Variants in QRSL1 observed in about 807,000 individuals in gnomAD.
The protein encoded by QRSL1 is glutaminyl-tRNA amidotransferase subunit QRSL1, also known as glutamyl-tRNA(Gln) amidotransferase subunit A, mitochondrial.
QRSL1 carries 54 observed loss-of-function variants against 61.6 expected under a neutral mutation model. The ratio of observed to expected loss-of-function variants is 0.88; its 90% CI spans 0.70 to 1.10. The LOEUF is 1.10. Ranked by LOEUF, QRSL1 falls within the 50% of genes least tolerant of loss-of-function variation. QRSL1 has a pLI of 0.00. For synonymous variants in QRSL1, 228 were observed against 225.7 expected (o/e 1.01, Z -0.09); for missense variants, 505 against 622.6 (o/e 0.81, Z 2.01).
chr6:106,650,732 CA>C (rs1354759834), intron 5 of QRSL1, among the ~76,000 whole-genome samples: 1 of 152,116 alleles, frequency 6.6e-6, no homozygotes, highest in African/African-American at 2.4e-5. Context: ...TTAAAAGTAA[CA>C]ATTGCATAGG....
At chr6:106,629,832 G>A in intron 1 of QRSL1, 127 bp downstream of exon 1, 2 of 1,157,832 alleles carry the variant, frequency 1.7e-6, no homozygotes, top group Non-Finnish European at 1.2e-6. Context: ...AACTGAGTGG[G>A]GGATAAGTAC....
rs13203777 is a variant in QRSL1 at position 106,639,126 on chromosome 6, T to G, written c.25-1223T>G. 4.3e-3 allele frequency among the ~76,000 whole-genome samples: 134 copies of G among 31,088 alleles called. 2 individuals carry two copies. The highest frequency in any genetic ancestry group is 0.011 in the Middle Eastern group (1 of 92). The allele number at this position is 31,088 out of a possible 152,430, so 20.4% of individuals were successfully genotyped here. On this transcript the variant is annotated intron_variant, in intron 1 of 10. Transcript: ENST00000369046. ...TTATTTGTGTGTTTTGTTGTTTTTT[T>G]TTTTTTTTTTTTTTTTTTTTGACAG... is the stretch of plus-strand genomic sequence containing the variant.
rs775528652 is a variant in QRSL1 at position 106,663,016 on chromosome 6, G to A, written c.1197G>A (p.Val399=). ...YENYFVKAQK[V]RRLIANDFVN... ...ATTATTTTGTCAAAGCACAGAAAGT[G>A]AGACGCCTCATTGCTAATGACTTTG... The change falls in exon 10 of 11, where the codon GTG becomes GTA. Residue 399 remains valine (V), a synonymous_variant. Coordinates refer to ENST00000369046, the MANE Select transcript of QRSL1 (RefSeq NM_018292.5). 1.9e-6 allele frequency: 3 copies of A among 1,612,672 alleles called. No individual in the cohort carries two copies. In the Admixed American group the frequency reaches 5.0e-5, roughly 27 times the overall value.
rs952977256 is a variant in QRSL1 at position 106,666,359 on chromosome 6, C to T, written c.*357C>T. ...TAAAATAAAATGACGTACAGAGATT[C>T]TATATTCTAGAGAGTCAAATGGTCT... On this transcript the variant is annotated 3_prime_UTR_variant, in exon 11 of 11. Transcript: ENST00000369046. 5 of 232,234 alleles carry T rather than the reference C, an allele frequency of 2.2e-5. No homozygotes were observed. The Admixed American group carries it at 2.6e-4, about 12-fold the overall frequency. The allele number at this position is 232,234 out of a possible 1,614,324, so 14.4% of individuals were successfully genotyped here.
intron 1 of QRSL1, among the ~76,000 whole-genome samples, chr6:106,636,106 C>T (rs1056212492): frequency 1.3e-5 from 2 of 152,072 alleles, no homozygotes; most frequent in African/African-American, 2.4e-5. Flanking sequence ...CTCACTGGAG[C>T]ATTTTAGACT....
Position 106,654,899 on chromosome 6 carries a change from C to G in QRSL1, c.1019C>G (p.Ala340Gly). 6.2e-7 allele frequency: 1 copy of G among 1,606,316 alleles called. No homozygotes were observed. The highest frequency in any genetic ancestry group is 1.7e-5 in the Admixed American group (1 of 57,840). Residue 340 changes from alanine (A) to glycine (G), a missense_variant, in exon 8 of 11, where the codon GCA (alanine) becomes GGA (glycine). Physicochemically the swap from Ala to Gly is moderately conservative, Grantham distance 60. Transcript: ENST00000369046. ...ACATCAGAAGTGGCATCGAATATGG[C>G]AAGATTTGATGGGCTACAATATGGT... ...LCTSEVASNM[A>G]RFDGLQYGHR...
At chr6:106,629,770 A>T in intron 1 of QRSL1, 65 bp downstream of exon 1, 10 of 1,561,048 alleles carry the variant, frequency 6.4e-6, no homozygotes, top group Non-Finnish European at 8.7e-6. Flanking sequence ...TCGTTGACAA[A>T]GAGTCCCTGG....
At chr6:106,665,703 T>C (rs1265413054) in intron 10 of QRSL1, 79 bp from the exon 11 acceptor site, 13 of 1,195,920 alleles carry the variant, frequency 1.1e-5, no homozygotes, top group Non-Finnish European at 1.5e-5. Context: ...ATTGTACTTA[T>C]TAGCACTGGA....
In QRSL1 at chr6:106,665,857, C is replaced by G. The variant is rs142696796; in HGVS notation, c.1442C>G (p.Ala481Gly). 3 of 1,613,892 alleles carry G rather than the reference C, an allele frequency of 1.9e-6. No homozygotes were observed. Among genetic ancestry groups the G allele is most frequent in the Non-Finnish European group, 2.5e-6 (3 of 1,179,844 alleles). Residue 481 changes from alanine (A) to glycine (G), a missense_variant, in exon 11 of 11, where the codon GCG becomes GGG. Ala to Gly is a moderately conservative substitution (Grantham distance 60, BLOSUM62 0). Transcript: ENST00000369046. ...LPIGLQFIGRAFCDQQLLTVA... is the reference protein window; with the variant it reads ...LPIGLQFIGRGFCDQQLLTVA... ...ATAGGACTGCAGTTTATTGGACGTG[C>G]GTTTTGTGACCAGCAGCTTCTTACA...
In QRSL1 at chr6:106,649,101, A is replaced by G; in HGVS notation, c.457A>G (p.Lys153Glu). ...TTCAAAACAATATAGAGAAAAGAGG[A>G]AGCAGAATCCCCACAGCGAGAATGA... ...SYSKQYREKRKQNPHSENEDS... is the reference protein window; with the variant it reads ...SYSKQYREKREQNPHSENEDS... The change falls in exon 5 of 11, where the codon AAG (lysine) becomes GAG (glutamate). Residue 153 changes from lysine to glutamate, a missense_variant. Lys to Glu is a moderately conservative substitution (Grantham distance 56). Coordinates refer to ENST00000369046, the MANE Select transcript of QRSL1 (RefSeq NM_018292.5). 1 of 1,614,228 alleles carries G rather than the reference A, an allele frequency of 6.2e-7. No homozygotes were observed. The highest frequency in any genetic ancestry group is 8.5e-7 in the Non-Finnish European group (1 of 1,180,042).
At chr6:106,642,943 TA>T in intron 3 of QRSL1, 50 bp from the exon 4 acceptor site, 1 of 1,275,724 alleles carries the variant, frequency 7.8e-7, no homozygotes, top group Non-Finnish European at 1.1e-6. Context: ...TATAAACAAA[TA>T]AAAGACTTCT....
intron 1 of QRSL1, among the ~76,000 whole-genome samples, chr6:106,639,495 A>G (rs1415183519): frequency 6.6e-6 from 1 of 152,150 alleles, no homozygotes; most frequent in Non-Finnish European, 1.5e-5. Flanking sequence ...CTTGGAAAAT[A>G]CTCGGTAAAT....
At chr6:106,642,862 C>T (rs947052945) in intron 3 of QRSL1, 132 bp from the exon 4 acceptor site, 2 of 786,296 alleles carry the variant, frequency 2.5e-6, no homozygotes, top group African/African-American at 3.4e-5. Context: ...GAGAAGCGCA[C>T]TGTGTGAGAA....
At chr6:106,646,618 T>C (rs1457108774) in intron 4 of QRSL1, among the ~76,000 whole-genome samples, 3 of 151,162 alleles carry the variant, frequency 2.0e-5, no homozygotes, top group African/African-American at 4.9e-5. Context: ...GGCAACATAG[T>C]GAGGCCCTGT....
At chr6:106,633,792 A>G (rs931029307) in intron 1 of QRSL1, among the ~76,000 whole-genome samples, 3 of 152,154 alleles carry the variant, frequency 2.0e-5, no homozygotes, top group African/African-American at 4.8e-5. Flanking sequence ...CTATAGGGAA[A>G]TCGATTCTAA....
In QRSL1 at chr6:106,643,009, A is replaced by G. The variant is rs776545788; in HGVS notation, c.299A>G (p.Tyr100Cys). 3 of 1,609,352 alleles carry G rather than the reference A, an allele frequency of 1.9e-6. No homozygotes were observed. Among genetic ancestry groups the G allele is most frequent in the Non-Finnish European group, 2.5e-6 (3 of 1,178,324 alleles). ...TTTTTTTCAGGTTATATACCACCTTATAATGCTACAGTAGTTCAGAAGTTG... is the reference window on the plus strand; with the variant it reads ...TTTTTTTCAGGTTATATACCACCTTGTAATGCTACAGTAGTTCAGAAGTTG... ...SNMLKGYIPP[Y>C]NATVVQKLLD... The change falls in exon 4 of 11, where the codon TAT becomes TGT. Residue 100 changes from tyrosine (Y) to cysteine (C), a missense_variant. Physicochemically the swap from Tyr to Cys is radical, Grantham distance 194. Transcript: ENST00000369046.
At chr6:106,647,902 G>C (rs1338106147) in intron 4 of QRSL1, among the ~76,000 whole-genome samples, 1 of 150,546 alleles carries the variant, frequency 6.6e-6, no homozygotes, top group South Asian at 2.1e-4. Flanking sequence ...CGCCCTCCTC[G>C]GCCTCCCAAA....
At chr6:106,629,767 C>T in intron 1 of QRSL1, 62 bp downstream of exon 1, 1 of 1,563,280 alleles carries the variant, frequency 6.4e-7, no homozygotes. Context: ...ACTTCGTTGA[C>T]AAAGAGTCCC....
intron 4 of QRSL1, among the ~76,000 whole-genome samples, chr6:106,647,524 A>T (rs1777127041): frequency 7.7e-6 from 1 of 129,764 alleles, no homozygotes; most frequent in Non-Finnish European, 1.6e-5. Context: ...ATGCCACTGC[A>T]CTCCAGCCTG....
Sources: gnomAD v4.1 joint callset for allele counts (sites outside exome capture counted in the v4.1 genomes callset) on GRCh38, gnomAD v4.1.1 for gene constraint, MANE v1.5 for transcripts, NCBI Gene and HGNC (gene_info 2026-07-23, HGNC 2026-07-21) for gene names.